The following SLC23A2 variants were observed in gnomAD, a reference collection of about 807,000 sequenced individuals.
SLC23A2 encodes Na(+)/L-ascorbic acid transporter 2.
Under a neutral mutation model 73.3 loss-of-function variants are expected in SLC23A2, and 36 were observed. That is an observed-to-expected ratio of 0.49 (90% CI 0.38 to 0.65). SLC23A2 has a LOEUF of 0.65. Ranked by LOEUF, SLC23A2 falls within the 30% of genes least tolerant of loss-of-function variation. The pLI is 0.00. For missense variants in SLC23A2, 507 were observed against 841.6 expected (o/e 0.60, Z 4.92); for synonymous variants, 343 against 327.3 (o/e 1.05, Z -0.52).
intron 3 of SLC23A2, among the ~76,000 whole-genome samples, chr20:4,924,087 A>G (rs376365660): frequency 2.6e-5 from 4 of 151,980 alleles, no homozygotes; most frequent in East Asian, 3.9e-4. Flanking sequence ...ATCCTTGCAC[A>G]GCACAGCTCT....
intron 4 of SLC23A2, among the ~76,000 whole-genome samples, chr20:4,912,295 C>A (rs1481408332): frequency 6.6e-6 from 1 of 152,024 alleles, no homozygotes; most frequent in African/African-American, 2.4e-5. Flanking sequence ...TCCATTGGCA[C>A]ACTAAGGTGC....
chr20:4,942,730 A>C (rs868661711), intron 2 of SLC23A2, among the ~76,000 whole-genome samples: 1 of 152,366 alleles, frequency 6.6e-6, no homozygotes, highest in Middle Eastern at 3.4e-3. Context: ...GGCACTGTCC[A>C]GAAGTTTTCA....
intron 3 of SLC23A2, among the ~76,000 whole-genome samples, chr20:4,930,776 G>A (rs1261167394): frequency 6.6e-6 from 1 of 151,862 alleles, no homozygotes; most frequent in Non-Finnish European, 1.5e-5. Flanking sequence ...CCAAGATGGT[G>A]CCACTGCACT....
chr20:4,888,884 C>T (rs2122841011), intron 6 of SLC23A2, among the ~76,000 whole-genome samples: 1 of 152,324 alleles, frequency 6.6e-6, no homozygotes, highest in East Asian at 1.9e-4. Context: ...GTGGAGATTT[C>T]TGCATCTCGT....
At chr20:4,937,613 A>G (rs2086980285) in intron 2 of SLC23A2, among the ~76,000 whole-genome samples, 2 of 152,256 alleles carry the variant, frequency 1.3e-5, no homozygotes, top group Non-Finnish European at 1.5e-5. Context: ...ACTGAGCTTC[A>G]GAGAAGTCAA....
chr20:4,885,555 G>A (rs1445461318), intron 7 of SLC23A2, among the ~76,000 whole-genome samples: 2 of 152,196 alleles, frequency 1.3e-5, no homozygotes, highest in African/African-American at 4.8e-5. Context: ...TTTCTATTCC[G>A]TTCCCATATT....
At chr20:4,992,555 G>A (rs2087945211) in intron 1 of SLC23A2, among the ~76,000 whole-genome samples, 1 of 144,354 alleles carries the variant, frequency 6.9e-6, no homozygotes, top group Admixed American at 7.2e-5. Context: ...TTGTTGCCCA[G>A]GTTAGAGTGT....
intron 2 of SLC23A2, among the ~76,000 whole-genome samples, chr20:4,962,498 C>A (rs1389300084): frequency 6.6e-6 from 1 of 152,224 alleles, no homozygotes; most frequent in Non-Finnish European, 1.5e-5. Context: ...ACACTCCCAG[C>A]TCAGGATCCC....
upstream of SLC23A2, among the ~76,000 whole-genome samples, chr20:5,003,371 A>C: frequency 6.6e-6 from 1 of 151,844 alleles, no homozygotes; most frequent in South Asian, 2.1e-4. Context: ...GCGACAGAGC[A>C]AGACTCCGTC....
chr20:4,935,814 T>A (rs2086954433), intron 2 of SLC23A2, among the ~76,000 whole-genome samples: 1 of 151,850 alleles, frequency 6.6e-6, no homozygotes, highest in Non-Finnish European at 1.5e-5. Flanking sequence ...AAAATTAAAA[T>A]TAAAGTTAAA....
intron 3 of SLC23A2, among the ~76,000 whole-genome samples, chr20:4,923,421 G>C (rs1932566584): frequency 6.6e-6 from 1 of 152,098 alleles, no homozygotes. Context: ...TTTTAAAACA[G>C]AAAAGGGTGC....
chr20:4,968,674 A>G (rs939921775), intron 2 of SLC23A2, among the ~76,000 whole-genome samples: 20 of 152,136 alleles, frequency 1.3e-4, no homozygotes, highest in African/African-American at 4.8e-4. Flanking sequence ...AGAACTAAGA[A>G]AACAGGCTTG....
chr20:4,923,844 T>C (rs1350915973), intron 3 of SLC23A2, among the ~76,000 whole-genome samples: 1 of 152,170 alleles, frequency 6.6e-6, no homozygotes, highest in Non-Finnish European at 1.5e-5. Context: ...TGCCTTCTTT[T>C]CACTGCTGAA....
chr20:4,913,709 C>T lies in SLC23A2; in HGVS notation c.109-731G>A, dbSNP rs780099562. 3.9e-4 allele frequency among the ~76,000 whole-genome samples: 60 copies of T among 152,214 alleles called. No homozygotes were observed. The Middle Eastern group carries it at 0.014, about 35-fold the overall frequency. The stretch of plus-strand genomic sequence containing the variant: ...TGGCGTGATCTCGGCTCACTGCAAC[C>T]TCCGCCTCCCAGGTTCAAGCGATTC... On this transcript the variant is annotated intron_variant, in intron 3 of 16. Transcript: ENST00000338244.
chr20:4,903,397 TG>T (rs1300898196), intron 4 of SLC23A2, among the ~76,000 whole-genome samples: 1 of 152,214 alleles, frequency 6.6e-6, no homozygotes, highest in Non-Finnish European at 1.5e-5. Flanking sequence ...AAAACTGCTC[TG>T]GTTTCAAACA....
intron 16 of SLC23A2, among the ~76,000 whole-genome samples, 192 bp downstream of exon 16, chr20:4,859,097 T>A (rs1367587509): frequency 1.3e-5 from 2 of 152,140 alleles, no homozygotes; most frequent in African/African-American, 4.8e-5. Flanking sequence ...AATTAATCAG[T>A]TTATGTAGCA....
At chr20:4,913,098 A>ATGTTT in intron 3 of SLC23A2, 120 bp from the exon 4 acceptor site, 1 of 698,128 alleles carries the variant, frequency 1.4e-6, no homozygotes, top group Non-Finnish European at 2.6e-6. Context: ...GGAGAAACAT[A>ATGTTT]CTCCATGTAC....
At position 4,856,847 on chromosome 20, in the gene SLC23A2, C is replaced by G; in HGVS notation, c.*125G>C. ...TCACAGCAGAAAAGTGATTCGCAGT[C>G]TGTCTTAGCTCTGGGGCGCAGAATG... On this transcript the variant is annotated 3_prime_UTR_variant, in exon 17 of 17. Coordinates refer to ENST00000338244, the MANE Select transcript of SLC23A2 (RefSeq NM_005116.6). This position sits in a 1 kb window ranked among gnomAD's most constrained non-coding sequence, Gnocchi z 4.6. The G allele has an allele frequency of 3.0e-6, 2 of 668,402 alleles. No homozygotes were observed. Among genetic ancestry groups the G allele is most frequent in the South Asian group, 3.6e-5 (2 of 55,772 alleles). 41.4% of individuals were successfully genotyped at this position (668,402 alleles called of 1,614,324 possible).
intron 13 of SLC23A2, among the ~76,000 whole-genome samples, chr20:4,867,149 C>A (rs1251385394): frequency 3.9e-5 from 6 of 151,926 alleles, no homozygotes; most frequent in African/African-American, 1.2e-4. Context: ...TACCTACCTG[C>A]CTGCCTGTGT....
Sources: gnomAD v4.1 joint callset for allele counts (sites outside exome capture counted in the v4.1 genomes callset) on GRCh38, gnomAD v4.1.1 for gene constraint, Gnocchi (gnomAD v3.1) non-coding constraint, MANE v1.5 for transcripts, NCBI Gene and HGNC (gene_info 2026-07-23, HGNC 2026-07-21) for gene names.